BCO2: variants seen among roughly 807,000 people sequenced by gnomAD.
BCO2 encodes the protein carotenoid-cleaving dioxygenase, mitochondrial.
Under a neutral mutation model 65.8 loss-of-function variants are expected in BCO2, and 56 were observed. The observed-to-expected ratio is 0.85, with a 90% confidence interval of 0.69 to 1.06. BCO2 has a LOEUF of 1.06. Ranked by LOEUF, BCO2 falls within the 50% of genes least tolerant of loss-of-function variation. The pLI, the probability that BCO2 is intolerant of heterozygous loss-of-function variation, is 0.00. For synonymous variants in BCO2, 233 were observed against 242.3 expected, an observed-to-expected ratio of 0.96 and a Z score of 0.36; for missense variants, 675 against 698.5, an observed-to-expected ratio of 0.97 and a Z score of 0.38.
At chr11:112,176,598 A>G (rs1440769653) in intron 1 of BCO2, 1 of 150,650 alleles carries the variant, frequency 6.6e-6, no homozygotes, top group Non-Finnish European at 1.5e-5. Flanking sequence ...AAGAGACTAG[A>G]TGAGATTGCC....
intron 8 of BCO2, among the ~76,000 whole-genome samples, chr11:112,205,633 C>CT (rs1402230490): frequency 6.6e-6 from 1 of 151,472 alleles, no homozygotes; most frequent in Non-Finnish European, 1.5e-5. Context: ...ATTTTAAAAA[C>CT]TTTTTTGTAG....
intron 7 of BCO2, among the ~76,000 whole-genome samples, chr11:112,201,528 C>T (rs1289255057): frequency 6.6e-6 from 1 of 152,152 alleles, no homozygotes; most frequent in Non-Finnish European, 1.5e-5. Flanking sequence ...TTTTATACTC[C>T]TGATTCATAA....
At chr11:112,183,097 A>T (rs1291021323) in intron 2 of BCO2, 2 of 1,278,162 alleles carry the variant, frequency 1.6e-6, no homozygotes, top group Non-Finnish European at 2.3e-6. Context: ...TGTGGGTGTG[A>T]TCTTCAAGAA....
Position 112,214,582 on chromosome 11 carries a change from G to T in BCO2, c.1333-180G>T, listed in dbSNP as rs1433223074. On this transcript the variant is annotated intron_variant, in intron 9 of 11. Transcript: ENST00000357685. ...ATTTGACAGCTTATTAATAAAACTT[G>T]ATAATCATTATGCATCCACACATAT... is the stretch of plus-strand genomic sequence containing the variant. The T allele has an allele frequency of 8.6e-6, 5 of 584,592 alleles. No individual in the cohort carries two copies. The African/African-American group carries it at 9.3e-5, about 11-fold the overall frequency. 36.2% of individuals were successfully genotyped at this position (584,592 alleles called of 1,614,324 possible).
At chr11:112,212,166 T>A (rs1177890430) in intron 8 of BCO2, among the ~76,000 whole-genome samples, 4 of 152,192 alleles carry the variant, frequency 2.6e-5, no homozygotes, top group African/African-American at 7.2e-5. Context: ...AATGGTGCAG[T>A]TTGTTCTCCA....
Position 112,216,234 on chromosome 11 carries a change from T to C in BCO2, c.1530T>C (p.Asp510=). The C allele has an allele frequency of 3.1e-6, 5 of 1,614,044 alleles. No homozygotes were observed. The highest frequency in any genetic ancestry group is 2.2e-5 in the South Asian group (2 of 91,078). ...VNKTLKVWRE[D]GFYPSEPVFV... is the part of the protein sequence containing the mutation. The stretch of plus-strand genomic sequence containing the variant: ...GGGACTTGCAGGTTTGGAGAGAAGA[T>C]GGCTTTTATCCCTCAGAACCTGTTT... The change falls in exon 11 of 12, where the codon GAT becomes GAC. Residue 510 remains aspartate, a synonymous_variant. Transcript: ENST00000357685.
intron 5 of BCO2, among the ~76,000 whole-genome samples, chr11:112,199,306 G>A (rs1867665318): frequency 6.6e-6 from 1 of 152,160 alleles, no homozygotes; most frequent in African/African-American, 2.4e-5. Flanking sequence ...TTTTATGGCT[G>A]CATAGTATTC....
chr11:112,176,521 G>GGC (rs1487821101), intron 1 of BCO2: 1 of 135,756 alleles, frequency 7.4e-6, no homozygotes, highest in East Asian at 2.4e-4. Flanking sequence ...GATTGGCGGG[G>GGC]GGGGGGGAAT....
chr11:112,196,744 A>G (rs1211532048), intron 5 of BCO2, among the ~76,000 whole-genome samples: 3 of 152,164 alleles, frequency 2.0e-5, no homozygotes, highest in Non-Finnish European at 4.4e-5. Flanking sequence ...AATAGGCATT[A>G]CAAAATTAAC....
At chr11:112,201,956 C>T in intron 7 of BCO2, 67 bp from the exon 8 acceptor site, 1 of 1,409,792 alleles carries the variant, frequency 7.1e-7, no homozygotes, top group Non-Finnish European at 9.4e-7. Context: ...GACCTGTTTC[C>T]TAAAGGAAAG....
intron 2 of BCO2, chr11:112,181,906 GA>G (rs1867061303): frequency 4.2e-6 from 3 of 719,184 alleles, no homozygotes; most frequent in African/African-American, 1.8e-5. Context: ...AATATCCAGG[GA>G]GTCAAGATGC....
chr11:112,200,426 CT>C, intron 6 of BCO2, 186 bp from the exon 7 acceptor site: 1 of 516,410 alleles, frequency 1.9e-6, no homozygotes, highest in South Asian at 3.4e-5. Context: ...AAGCAGTTCC[CT>C]TTTTTATAAA....
Position 112,193,900 on chromosome 11 carries a change from T to C in BCO2, c.539T>C (p.Val180Ala). 2 of 1,609,848 alleles carry C rather than the reference T, an allele frequency of 1.2e-6. No homozygotes were observed. Among genetic ancestry groups the C allele is most frequent in the Non-Finnish European group, 1.7e-6 (2 of 1,176,166 alleles). ...TCAGCCATGACTGACAATACTAATG[T>C]CAACTATGTGCGGTACAAGGGTGAT... Reference protein sequence around the residue: ...KAAAMTDNTNVNYVRYKGDYY... With the variant: ...KAAAMTDNTNANYVRYKGDYY... Residue 180 changes from valine (V) to alanine (A), a missense_variant, in exon 4 of 12, where the codon GTC (valine) becomes GCC (alanine). By Grantham distance (64) the Val-to-Ala change is moderately conservative. Transcript: ENST00000357685.
At chr11:112,204,488 A>G (rs544493503) in intron 8 of BCO2, among the ~76,000 whole-genome samples, 2 of 152,232 alleles carry the variant, frequency 1.3e-5, no homozygotes, top group South Asian at 2.1e-4. Flanking sequence ...TTCGAACTGC[A>G]TGGGTCCTTA....
chr11:112,200,454 A>G (rs1430767622), intron 6 of BCO2, 159 bp from the exon 7 acceptor site: 3 of 595,414 alleles, frequency 5.0e-6, no homozygotes, highest in African/African-American at 3.8e-5. Context: ...GGAAATACGT[A>G]TAGTAAAGCT....
chr11:112,185,664 C>T (rs1414648670), intron 2 of BCO2, among the ~76,000 whole-genome samples: 2 of 152,114 alleles, frequency 1.3e-5, no homozygotes, highest in Non-Finnish European at 2.9e-5. Flanking sequence ...TTCACACTAT[C>T]ATAAGCCTTT....
intron 8 of BCO2, among the ~76,000 whole-genome samples, chr11:112,204,566 C>T (rs1452816773): frequency 6.6e-6 from 1 of 152,216 alleles, no homozygotes; most frequent in African/African-American, 2.4e-5. Flanking sequence ...TCCTCCCCCT[C>T]AGACTACTCA....
At chr11:112,216,179 A>T in intron 10 of BCO2, 41 bp from the exon 11 acceptor site, 1 of 1,378,188 alleles carries the variant, frequency 7.3e-7, no homozygotes, top group Non-Finnish European at 1.0e-6. Flanking sequence ...CTCCCTACTT[A>T]CTACTTGCCT....
chr11:112,216,113 C>T, intron 10 of BCO2, 107 bp from the exon 11 acceptor site: 2 of 745,506 alleles, frequency 2.7e-6, no homozygotes, highest in Non-Finnish European at 4.7e-6. Context: ...AGGGGACACA[C>T]ATCCAAACTA....
Sources: allele counts gnomAD v4.1 joint callset (sites outside exome capture counted in the v4.1 genomes callset), GRCh38; gene constraint gnomAD v4.1.1; transcripts MANE v1.5; gene names NCBI Gene and HGNC (gene_info 2026-07-23, HGNC 2026-07-21).